The following LRP2 variants were observed in gnomAD, a reference collection of about 807,000 sequenced individuals.
The protein encoded by LRP2 is LDL receptor related protein 2, also known as low-density lipoprotein receptor-related protein 2.
A neutral mutation model predicts 531.0 loss-of-function variants in LRP2; 172 were observed. The ratio of observed to expected loss-of-function variants is 0.32; its 90% CI spans 0.29 to 0.37. LRP2 has a LOEUF of 0.37. LRP2 is among the 10% of genes least tolerant of loss of function. The pLI, the probability that LRP2 is intolerant of heterozygous loss-of-function variation, is 1.00. For missense variants in LRP2, 5,167 were observed against 5,868.3 expected (o/e 0.88, Z 3.90); for synonymous variants, 1,992 against 2,027.6 (o/e 0.98, Z 0.47).
intron 76 of LRP2, 150 bp from the exon 77 acceptor site, chr2:169,132,831 G>C: frequency 1.5e-6 from 1 of 672,202 alleles, no homozygotes. Context: ...TGACCCAGTA[G>C]GCCAGGACTA....
chr2:169,358,969 T>C (rs951498068), intron 1 of LRP2, among the ~76,000 whole-genome samples: 3 of 151,632 alleles, frequency 2.0e-5, no homozygotes, highest in Admixed American at 6.6e-5. Context: ...AGAGAACTGT[T>C]AGTGAAAAAT....
intron 24 of LRP2, 25 bp from the exon 25 acceptor site, chr2:169,241,390 C>T (rs777589003): frequency 6.2e-6 from 10 of 1,613,030 alleles, no homozygotes; most frequent in East Asian, 2.2e-5. Context: ...TGGGGTAAAT[C>T]GGCTTGTGAA....
chr2:169,347,554 G>A (rs1350879569), intron 1 of LRP2, among the ~76,000 whole-genome samples: 2 of 151,418 alleles, frequency 1.3e-5, no homozygotes, highest in African/African-American at 4.9e-5. Flanking sequence ...TTAGGTAAGG[G>A]TCCTTTGAAT....
intron 1 of LRP2, among the ~76,000 whole-genome samples, chr2:169,358,385 T>C (rs1329681083): frequency 6.6e-6 from 1 of 152,172 alleles, no homozygotes; most frequent in Admixed American, 6.5e-5. Flanking sequence ...GACCAGTTGA[T>C]ATCTAAGGTT....
chr2:169,232,757 G>A (rs990894190), intron 30 of LRP2, among the ~76,000 whole-genome samples: 1 of 152,220 alleles, frequency 6.6e-6, no homozygotes, highest in African/African-American at 2.4e-5. Flanking sequence ...AGAGGCAGGA[G>A]TCGCCTGCTG....
rs573631589 is a variant in LRP2 at position 169,192,315 on chromosome 2, G to C, written c.8831-282C>G. ...TAGAATGGTCATACTTTTTCCCTTA[G>C]GGCTTCAGAAAACCACTACCATTTT... is the stretch of plus-strand genomic sequence containing the variant. On this transcript the variant is annotated intron_variant, in intron 47 of 78. Transcript: ENST00000649046. Among the ~76,000 whole-genome samples, 11 of 152,060 alleles carry C rather than the reference G, an allele frequency of 7.2e-5. 1 individual carries two copies. In the South Asian group the frequency reaches 2.3e-3, roughly 32 times the overall value.
intron 1 of LRP2, among the ~76,000 whole-genome samples, chr2:169,361,377 C>CTCTCTCTCTCTCTCTCTCTCTCTCTCTCT (rs1559092856): frequency 1.5e-4 from 8 of 52,292 alleles, no homozygotes; most frequent in South Asian, 8.5e-4. Context: ...TCTCTCTCTC[C>CTCTCTCTCTCTCTCTCTCTCTCTCTCTCT]CTCTCTCTCT....
At position 169,168,830 on chromosome 2, in the gene LRP2, C is replaced by T. The variant is rs2239602; in HGVS notation, c.11498-154G>A. 0.91 allele frequency among the ~76,000 whole-genome samples: 137,949 copies of T among 152,276 alleles called. 62,638 individuals are homozygous for T. The highest frequency in any genetic ancestry group is 0.95 in the African/African-American group (39,470 of 41,552). ...GGCCTTGACCTGTCTGAAAGTTGAACGGACTATGTCTTAAGGGCAGTTGTC... is the reference window on the plus strand; with the variant it reads ...GGCCTTGACCTGTCTGAAAGTTGAATGGACTATGTCTTAAGGGCAGTTGTC... On this transcript the variant is annotated intron_variant, in intron 60 of 78. Coordinates refer to ENST00000649046, the MANE Select transcript of LRP2 (RefSeq NM_004525.3).
chr2:169,275,101 A>C lies in LRP2; in HGVS notation c.1910T>G (p.Val637Gly). The part of the protein sequence containing the change: ...ANKFTETNPQ[V>G]YYQASLRPYG... Reference sequence around the variant, plus strand: ...GGGCCTCAGGGAAGCCTGGTAGTACACTTGTGGGTTGGTCTCTGTGAACTT... The same window carrying C: ...GGGCCTCAGGGAAGCCTGGTAGTACCCTTGTGGGTTGGTCTCTGTGAACTT... The change falls in exon 14 of 79, where the codon GTG becomes GGG. Residue 637 changes from valine (V) to glycine (G), a missense_variant. Around this residue, in one of 6 missense-constraint regions of LRP2, gnomAD observed 2,811 missense variants for 3,058.0 expected, o/e 0.92. Transcript: ENST00000649046. 6.2e-7 allele frequency: 1 copy of C among 1,613,790 alleles called. No homozygotes were observed. Among genetic ancestry groups the C allele is most frequent in the Non-Finnish European group, 8.5e-7 (1 of 1,179,850 alleles).
chr2:169,313,894 G>A (rs962130060), intron 3 of LRP2, among the ~76,000 whole-genome samples: 10 of 152,160 alleles, frequency 6.6e-5, no homozygotes, highest in African/African-American at 2.2e-4. Context: ...TTGTCCATTA[G>A]TGGTCCGTGG....
chr2:169,350,086 A>T (rs1685806550), intron 1 of LRP2, among the ~76,000 whole-genome samples: 1 of 152,228 alleles, frequency 6.6e-6, no homozygotes. Context: ...GTTGGATTCT[A>T]GATGTATTTT....
Position 169,185,524 on chromosome 2 carries a change from A to C in LRP2, c.9824T>G (p.Leu3275Arg). The stretch of plus-strand genomic sequence containing the variant: ...TTACCTGGAAACCCAGTCTACAGCC[A>C]GACTTTCTGCAGCTGGTAGTCTGTG... ...INHRLPAAES[L>R]AVDWVSRKLY... is the part of the protein sequence containing the mutation. Residue 3275 changes from leucine to arginine, a missense_variant, in exon 50 of 79, where the codon CTG (leucine) becomes CGG (arginine). Transcript: ENST00000649046. The C allele has an allele frequency of 6.2e-7, 1 of 1,613,700 alleles. No homozygotes were observed. The highest frequency in any genetic ancestry group is 8.5e-7 in the Non-Finnish European group (1 of 1,179,998).
chr2:169,275,430 T>C (rs1683527385), intron 13 of LRP2, 192 bp from the exon 14 acceptor site: 5 of 582,142 alleles, frequency 8.6e-6, no homozygotes, highest in East Asian at 3.0e-5. Flanking sequence ...TTTCATGTTG[T>C]CTCTTGGAAA....
chr2:169,137,884 A>C (rs1223738720), intron 75 of LRP2, among the ~76,000 whole-genome samples: 1 of 152,114 alleles, frequency 6.6e-6, no homozygotes, highest in African/African-American at 2.4e-5. Context: ...AGAATGGATA[A>C]TATAATATTC....
intron 44 of LRP2, 135 bp downstream of exon 44, chr2:169,201,493 A>C: frequency 8.4e-7 from 1 of 1,191,542 alleles, no homozygotes; most frequent in Non-Finnish European, 1.2e-6. Flanking sequence ...TACCGCGCCT[A>C]GCCAAAAATT....
chr2:169,275,581 T>C (rs1402651232), intron 13 of LRP2, among the ~76,000 whole-genome samples: 1 of 152,184 alleles, frequency 6.6e-6, no homozygotes, highest in East Asian at 1.9e-4. Flanking sequence ...AAATAGCATT[T>C]TGAATACCAT....
chr2:169,203,983 T>C lies in LRP2; in HGVS notation c.8004A>G (p.Pro2668=). The C allele has an allele frequency of 6.2e-7, 1 of 1,614,160 alleles. No individual in the cohort carries two copies. Among genetic ancestry groups the C allele is most frequent in the Non-Finnish European group, 8.5e-7 (1 of 1,179,978 alleles). The change falls in exon 42 of 79, where the codon CCA becomes CCG. Residue 2668 remains proline (P), a splice_region_variant and synonymous_variant. Coordinates refer to ENST00000649046, the MANE Select transcript of LRP2 (RefSeq NM_004525.3). ...FNGGCSHICA[P]GPNGAECQCP... ...TAATTTTCATGGTCAGTGCCTTACC[T>C]GGTGCACAGATATGGCTGCAGCCCC... is the stretch of plus-strand genomic sequence containing the variant.
intron 3 of LRP2, among the ~76,000 whole-genome samples, chr2:169,316,105 G>C (rs1360969639): frequency 6.7e-6 from 1 of 149,402 alleles, no homozygotes; most frequent in East Asian, 2.0e-4. Flanking sequence ...TTGCACCACT[G>C]CATTCCAGCC....
At chr2:169,261,740 T>G (rs1690563431) in intron 16 of LRP2, among the ~76,000 whole-genome samples, 1 of 152,032 alleles carries the variant, frequency 6.6e-6, no homozygotes, top group Non-Finnish European at 1.5e-5. Flanking sequence ...CCTAACTCAT[T>G]TTATGAGGCC....
Sources: gnomAD v4.1 joint callset for allele counts (sites outside exome capture counted in the v4.1 genomes callset) on GRCh38, gnomAD v4.1.1 for gene constraint, gnomAD v4.1.1 regional missense constraint, MANE v1.5 for transcripts, NCBI Gene and HGNC (gene_info 2026-07-23, HGNC 2026-07-21) for gene names.